SLC4A5: variants seen among roughly 807,000 people sequenced by gnomAD.
SLC4A5 encodes solute carrier family 4 member 5, also known as electrogenic sodium bicarbonate cotransporter 4.
Under a neutral mutation model 120.4 loss-of-function variants are expected in SLC4A5, and 96 were observed. That is an observed-to-expected ratio of 0.80 (90% CI 0.68 to 0.94). SLC4A5 has a LOEUF of 0.94. Ranked by LOEUF, SLC4A5 falls within the 40% of genes least tolerant of loss-of-function variation. The pLI, the probability that SLC4A5 is intolerant of heterozygous loss-of-function variation, is 0.00. For missense variants in SLC4A5, 1,259 were observed against 1,459.5 expected (o/e 0.86, Z 2.24); for synonymous variants, 550 against 571.1 (o/e 0.96, Z 0.53).
At chr2:74,339,489 T>A (rs546555914) in intron 2 of SLC4A5, 1 of 152,216 alleles carries the variant, frequency 6.6e-6, no homozygotes, top group Non-Finnish European at 1.5e-5. Flanking sequence ...CTTATGGCTG[T>A]CATCATGCCT....
intron 4 of SLC4A5, among the ~76,000 whole-genome samples, chr2:74,332,294 A>G (rs1262028561): frequency 2.0e-5 from 3 of 152,026 alleles, no homozygotes; most frequent in East Asian, 3.9e-4. Flanking sequence ...CTACGATTCT[A>G]TGTGTCTAAG....
chr2:74,305,917 G>T (rs1190723001), intron 6 of SLC4A5, among the ~76,000 whole-genome samples: 1 of 151,818 alleles, frequency 6.6e-6, no homozygotes, highest in African/African-American at 2.4e-5. Context: ...GTAGAAACAG[G>T]GTTTCGCCAT....
At chr2:74,304,774 G>A in intron 6 of SLC4A5, 94 bp from the exon 7 acceptor site, 1 of 1,267,408 alleles carries the variant, frequency 7.9e-7, no homozygotes, top group African/African-American at 1.5e-5. Flanking sequence ...TTGGGCTGCA[G>A]AAGCAAAATG....
chr2:74,294,351 A>C (rs756251327), intron 7 of SLC4A5, among the ~76,000 whole-genome samples: 2 of 152,222 alleles, frequency 1.3e-5, no homozygotes, highest in African/African-American at 2.4e-5. Flanking sequence ...CGCACAAGGG[A>C]AGGAGAATCA....
chr2:74,279,199 T>C (rs147545733), intron 8 of SLC4A5, among the ~76,000 whole-genome samples: 7 of 152,386 alleles, frequency 4.6e-5, no homozygotes, highest in African/African-American at 7.2e-5. Flanking sequence ...CTGCCCTTCA[T>C]GGACAAGCAT....
chr2:74,222,988 A>C, intron 28 of SLC4A5, 36 bp from the exon 29 acceptor site: 1 of 1,446,766 alleles, frequency 6.9e-7, no homozygotes, highest in Non-Finnish European at 9.5e-7. Flanking sequence ...GATAAACACC[A>C]ACACAACAAT....
At chr2:74,221,067 T>A (rs1694625829) in intron 30 of SLC4A5, among the ~76,000 whole-genome samples, 2 of 151,978 alleles carry the variant, frequency 1.3e-5, no homozygotes, top group African/African-American at 4.8e-5. Context: ...ATGGTCTCGA[T>A]CTCCTGACCT....
intron 6 of SLC4A5, among the ~76,000 whole-genome samples, chr2:74,312,316 C>T (rs1351122772): frequency 6.6e-6 from 1 of 151,694 alleles, no homozygotes; most frequent in Non-Finnish European, 1.5e-5. Context: ...GTGCAGCCTC[C>T]ACCTGCTGGG....
chr2:74,319,440 AAAGAT>A (rs1269277157), intron 5 of SLC4A5: 2 of 152,202 alleles, frequency 1.3e-5, no homozygotes. Flanking sequence ...TGGAATAATA[AAAGAT>A]AAGCATGACC....
chr2:74,317,379 C>T (rs1192195751), intron 5 of SLC4A5, among the ~76,000 whole-genome samples: 1 of 152,006 alleles, frequency 6.6e-6, no homozygotes, highest in Admixed American at 6.6e-5. Context: ...TTTATCTGAA[C>T]CTTCAAGGAT....
chr2:74,337,363 G>A (rs1035874780), intron 3 of SLC4A5, among the ~76,000 whole-genome samples: 10 of 152,150 alleles, frequency 6.6e-5, no homozygotes, highest in South Asian at 2.1e-4. Flanking sequence ...ATGAAGGGCA[G>A]GACCCTTTGT....
intron 14 of SLC4A5, 103 bp downstream of exon 14, chr2:74,254,516 T>C (rs1269134065): frequency 8.2e-6 from 7 of 849,580 alleles, no homozygotes; most frequent in East Asian, 4.8e-5. Flanking sequence ...TGGTACACAG[T>C]AGGTGCTCAA....
intron 5 of SLC4A5, among the ~76,000 whole-genome samples, chr2:74,317,354 T>G (rs1672993908): frequency 1.0e-5 from 1 of 96,452 alleles, no homozygotes; most frequent in South Asian, 3.4e-4. Context: ...AACAGATAGT[T>G]TTTTTTTTAA....
At chr2:74,291,991 G>GT (rs113741558) in intron 7 of SLC4A5, among the ~76,000 whole-genome samples, 5,306 of 152,244 alleles carry the variant, frequency 0.035, 316 homozygotes, top group African/African-American at 0.12. Flanking sequence ...TTCATGTGGT[G>GT]TTTTAAGAGC....
chr2:74,221,430 T>A lies in SLC4A5; in HGVS notation c.*33+4A>T, dbSNP rs373220687. The stretch of plus-strand genomic sequence containing the variant: ...ACGCAAGGAGTCTACCTAACAGTGT[T>A]TACCTTCGGTCAAGTTCTGTGTCAC... On this transcript the variant is annotated splice_donor_region_variant and intron_variant, in intron 30 of 30. Coordinates refer to ENST00000394019, the Ensembl canonical transcript of SLC4A5. The A allele has an allele frequency of 1.6e-5, 25 of 1,607,546 alleles. No individual in the cohort carries two copies. The African/African-American group carries it at 2.9e-4, about 19-fold the overall frequency.
chr2:74,343,039 C>CGTA (rs1558922748), intron 1 of SLC4A5, among the ~76,000 whole-genome samples: 1 of 152,144 alleles, frequency 6.6e-6, no homozygotes, highest in African/African-American at 2.4e-5. Flanking sequence ...ACACACTACA[C>CGTA]GCTCCCCTCA....
intron 24 of SLC4A5, among the ~76,000 whole-genome samples, chr2:74,232,125 T>C (rs1375486953): frequency 2.0e-5 from 3 of 152,018 alleles, no homozygotes; most frequent in Admixed American, 2.0e-4. Flanking sequence ...ATCAGGGCAG[T>C]AGGGGCCTGG....
intron 6 of SLC4A5, chr2:74,308,002 A>C: frequency 1.8e-6 from 1 of 548,328 alleles, no homozygotes; most frequent in Middle Eastern, 6.4e-4. Context: ...CGAGTGGTGA[A>C]GCTCATGCTG....
intron 15 of SLC4A5, among the ~76,000 whole-genome samples, 173 bp downstream of exon 15, chr2:74,252,801 T>G (rs1489031397): frequency 6.6e-6 from 1 of 152,210 alleles, no homozygotes; most frequent in African/African-American, 2.4e-5. Flanking sequence ...TTGCCCAGGC[T>G]GGTTTCAAAC....
Sources: gnomAD v4.1 joint callset for allele counts (sites outside exome capture counted in the v4.1 genomes callset) on GRCh38, gnomAD v4.1.1 for gene constraint, MANE v1.5 for transcripts, NCBI Gene and HGNC (gene_info 2026-07-23, HGNC 2026-07-21) for gene names.